Variants in ATXN1 observed in about 807,000 individuals in gnomAD.
ATXN1 encodes ataxin-1.
A neutral mutation model predicts 56.4 loss-of-function variants in ATXN1; 8 were observed. The observed-to-expected ratio is 0.14, with a 90% CI of 0.08 to 0.26. ATXN1 has a LOEUF of 0.26. Among genes scored for constraint, ATXN1 ranks in the 10% least tolerant of loss-of-function variants. The pLI is 1.00. For missense variants in ATXN1, 987 were observed against 1,106.5 expected (o/e 0.89, Z 1.53); for synonymous variants, 514 against 494.6 (o/e 1.04, Z -0.52).
chr6:16,301,063 T>C lies in ATXN1; in HGVS notation c.*5266A>G, dbSNP rs537808326. 2 of 149,886 alleles carry C rather than the reference T, an allele frequency of 1.3e-5. No individual in the cohort carries two copies. The highest frequency in any genetic ancestry group is 2.0e-4 in the East Asian group (1 of 5,096). 9.3% of individuals were successfully genotyped at this position (149,886 alleles called of 1,614,324 possible). A position where few individuals can be genotyped will look rare whatever the true frequency, so the allele number is the denominator to read the frequency against. On this transcript the variant is annotated 3_prime_UTR_variant, in exon 8 of 8. Transcript: ENST00000436367. ...ACAAATTTCTATATACAAAAAAACA[T>C]GTAACTTTCAACCCTTCTCTGCTTT... is the stretch of plus-strand genomic sequence containing the variant.
chr6:16,319,451 G>A (rs892254703), intron 7 of ATXN1, among the ~76,000 whole-genome samples: 4 of 152,162 alleles, frequency 2.6e-5, no homozygotes, highest in African/African-American at 9.7e-5. Flanking sequence ...GTGGGGTGTG[G>A]GGGACAAATA....
rs1760124460 is a variant in ATXN1 at position 16,302,270 on chromosome 6, GAGA to G, written c.*4056_*4058del. The G allele has an allele frequency of 6.6e-6, 1 of 152,368 alleles. No individual in the cohort carries two copies. The highest frequency in any genetic ancestry group is 2.4e-5 in the African/African-American group (1 of 41,444). 9.4% of individuals were successfully genotyped at this position (152,368 alleles called of 1,614,324 possible). A position where few individuals can be genotyped will look rare whatever the true frequency, so the allele number is the denominator to read the frequency against. ...AAGGTTCCGCAGAGTCCCTTTAGGG[GAGA>G]AGGAGGGATGCTGCCACTTCCTGGT... On this transcript the variant is annotated 3_prime_UTR_variant, in exon 8 of 8. Coordinates refer to ENST00000436367, the MANE Select transcript of ATXN1 (RefSeq NM_001128164.2).
At chr6:16,338,184 T>C (rs763776047) in intron 6 of ATXN1, among the ~76,000 whole-genome samples, 2 of 152,200 alleles carry the variant, frequency 1.3e-5, no homozygotes, top group Admixed American at 1.3e-4. Flanking sequence ...AAACCACCTA[T>C]GTTATCCATT....
At chr6:16,513,330 A>G (rs549543984) in intron 5 of ATXN1, among the ~76,000 whole-genome samples, 1 of 152,356 alleles carries the variant, frequency 6.6e-6, no homozygotes, top group East Asian at 1.9e-4. Flanking sequence ...GTTTCTACAC[A>G]AAGTACATCA....
intron 6 of ATXN1, among the ~76,000 whole-genome samples, chr6:16,340,812 G>C (rs1163881629): frequency 6.6e-6 from 1 of 152,180 alleles, no homozygotes; most frequent in Non-Finnish European, 1.5e-5. Context: ...ATCTAAATTG[G>C]TATACCCCAA....
At chr6:16,497,055 T>C (rs1476438379) in intron 5 of ATXN1, among the ~76,000 whole-genome samples, 4 of 152,172 alleles carry the variant, frequency 2.6e-5, no homozygotes, top group African/African-American at 9.7e-5. Flanking sequence ...TTTTGTTACC[T>C]TTTTCAGGCA....
intron 6 of ATXN1, among the ~76,000 whole-genome samples, chr6:16,417,442 T>C (rs1012118644): frequency 3.1e-5 from 4 of 129,802 alleles, no homozygotes; most frequent in Non-Finnish European, 5.0e-5. Flanking sequence ...AAGTTTCTTA[T>C]TTTTTTTTTT....
At chr6:16,729,717 T>C (rs1581399751) in intron 2 of ATXN1, among the ~76,000 whole-genome samples, 1 of 152,180 alleles carries the variant, frequency 6.6e-6, no homozygotes, top group South Asian at 2.1e-4. Flanking sequence ...CTATGATGCT[T>C]TGGGTGCCAC....
At chr6:16,643,023 A>G (rs1483187742) in intron 3 of ATXN1, among the ~76,000 whole-genome samples, 1 of 152,098 alleles carries the variant, frequency 6.6e-6, no homozygotes, top group Non-Finnish European at 1.5e-5. Context: ...TAATCCCAGC[A>G]CTTTGGGAGG....
chr6:16,427,530 A>T (rs1197013404), intron 6 of ATXN1, among the ~76,000 whole-genome samples: 1 of 152,240 alleles, frequency 6.6e-6, no homozygotes, highest in East Asian at 1.9e-4. Context: ...CGATACAATG[A>T]CAAAATCCCT....
rs182427518 is a variant in ATXN1, at chr6:16,507,561, G to A, written c.-299+15066C>T. Among the ~76,000 whole-genome samples, 563 of 152,238 alleles carry A rather than the reference G, an allele frequency of 3.7e-3. 3 individuals are homozygous for A. The highest frequency in any genetic ancestry group is 0.013 in the African/African-American group (525 of 41,554). The stretch of plus-strand genomic sequence containing the variant: ...AAATTTACAATTATTATGTATGCCT[G>A]AATAAAAGGTAATATAATATAAGGT... On this transcript the variant is annotated intron_variant, in intron 5 of 7. Coordinates refer to ENST00000436367, the MANE Select transcript of ATXN1 (RefSeq NM_001128164.2).
At chr6:16,665,750 A>C (rs1434474379) in intron 2 of ATXN1, among the ~76,000 whole-genome samples, 1 of 152,216 alleles carries the variant, frequency 6.6e-6, no homozygotes, top group East Asian at 1.9e-4. Context: ...CATGAGATAA[A>C]CCATGAGGGC....
At chr6:16,547,411 T>C (rs555825927) in intron 4 of ATXN1, among the ~76,000 whole-genome samples, 2 of 152,272 alleles carry the variant, frequency 1.3e-5, no homozygotes, top group Admixed American at 6.5e-5. Flanking sequence ...AGCAAATGCC[T>C]ACCATGTGGA....
At chr6:16,482,633 T>G (rs1449854969) in intron 6 of ATXN1, among the ~76,000 whole-genome samples, 1 of 152,200 alleles carries the variant, frequency 6.6e-6, no homozygotes, top group Admixed American at 6.5e-5. Context: ...TCAAAAATCG[T>G]TCCTGTTTAT....
chr6:16,311,639 C>T (rs1219946608), intron 7 of ATXN1, among the ~76,000 whole-genome samples: 1 of 152,198 alleles, frequency 6.6e-6, no homozygotes, highest in Non-Finnish European at 1.5e-5. Context: ...GACAAATATA[C>T]TTACAAGTGA....
At chr6:16,701,807 A>G (rs1288261428) in intron 2 of ATXN1, among the ~76,000 whole-genome samples, 2 of 152,222 alleles carry the variant, frequency 1.3e-5, no homozygotes, top group Non-Finnish European at 2.9e-5. Context: ...AAGGAGAACT[A>G]CAAACCACTG....
At chr6:16,586,611 C>T (rs540657498) in intron 3 of ATXN1, among the ~76,000 whole-genome samples, 11 of 152,338 alleles carry the variant, frequency 7.2e-5, no homozygotes, top group East Asian at 3.8e-4. Flanking sequence ...ATACAGCCAA[C>T]GGATGTTAAA....
At position 16,386,172 on chromosome 6, in the gene ATXN1, T is replaced by C. The variant is rs562136005; in HGVS notation, c.-160-57702A>G. Among the ~76,000 whole-genome samples, 17 of 152,342 alleles carry C rather than the reference T, an allele frequency of 1.1e-4. 1 individual carries two copies. In the South Asian group the frequency reaches 2.9e-3, roughly 26 times the overall value. The stretch of plus-strand genomic sequence containing the variant: ...GCAAAGAAGCCACAATTCAGGAATC[T>C]ATGCAAAAATAATTAAGTGAAGGTT... On this transcript the variant is annotated intron_variant, in intron 6 of 7. Transcript: ENST00000436367.
In ATXN1 at chr6:16,305,472, G is replaced by C. The variant is rs1760218132; in HGVS notation, c.*857C>G. The C allele has an allele frequency of 6.6e-6, 1 of 152,666 alleles. No homozygotes were observed. Among genetic ancestry groups the C allele is most frequent in the African/African-American group, 2.4e-5 (1 of 41,446 alleles). 9.5% of individuals were successfully genotyped at this position (152,666 alleles called of 1,614,324 possible). A position where few individuals can be genotyped will look rare whatever the true frequency, so the allele number is the denominator to read the frequency against. ...TTTTCCTAACACTGCACAGAAACCA[G>C]CGTGGGTGTTCGCTCTCTCCCTCTC... On this transcript the variant is annotated 3_prime_UTR_variant, in exon 8 of 8. Transcript: ENST00000436367.
Sources: gnomAD v4.1 joint callset for allele counts (sites outside exome capture counted in the v4.1 genomes callset) on GRCh38, gnomAD v4.1.1 for gene constraint, MANE v1.5 for transcripts, NCBI Gene and HGNC (gene_info 2026-07-23, HGNC 2026-07-21) for gene names.